The following PIWIL4 variants were observed in gnomAD, a reference collection of about 807,000 sequenced individuals.
PIWIL4 encodes the protein piwi-like protein 4.
PIWIL4 carries 50 observed loss-of-function variants against 100.9 expected under a neutral mutation model. The observed-to-expected ratio is 0.50, with a 90% CI of 0.39 to 0.63. The LOEUF (loss-of-function observed/expected upper bound fraction) is 0.63, where lower values mean the gene tolerates loss of function less well. Among genes scored for constraint, PIWIL4 ranks in the 20% least tolerant of loss-of-function variants. The probability of loss-of-function intolerance (pLI) is 0.00; values close to 1 mark genes in which losing one functional copy is unlikely to be tolerated. For synonymous variants in PIWIL4, 342 were observed against 367.5 expected (o/e 0.93, Z 0.79); for missense variants, 887 against 1,043.3 (o/e 0.85, Z 2.06).
intron 5 of PIWIL4, among the ~76,000 whole-genome samples, chr11:94,584,260 A>G (rs765714927): frequency 6.6e-6 from 1 of 152,164 alleles, no homozygotes; most frequent in Non-Finnish European, 1.5e-5. Context: ...GATCATTAAG[A>G]TGATCTGTTA....
chr11:94,591,306 C>G (rs1304718134), intron 8 of PIWIL4, among the ~76,000 whole-genome samples: 1 of 152,218 alleles, frequency 6.6e-6, no homozygotes, highest in Non-Finnish European at 1.5e-5. Flanking sequence ...CCACGCTGTA[C>G]CTTTCTCCTT....
chr11:94,603,277 C>G (rs541136409), intron 12 of PIWIL4, among the ~76,000 whole-genome samples: 1 of 151,922 alleles, frequency 6.6e-6, no homozygotes, highest in Non-Finnish European at 1.5e-5. Flanking sequence ...ACCTGCTGGG[C>G]GAGTTTTAAA....
intron 10 of PIWIL4, among the ~76,000 whole-genome samples, chr11:94,595,935 A>G (rs1383710007): frequency 6.6e-6 from 1 of 152,124 alleles, no homozygotes; most frequent in Admixed American, 6.5e-5. Context: ...GTTCTTATTT[A>G]TGACAGTTTG....
chr11:94,598,646 A>G (rs1948591723), intron 11 of PIWIL4, among the ~76,000 whole-genome samples: 1 of 151,770 alleles, frequency 6.6e-6, no homozygotes, highest in African/African-American at 2.4e-5. Context: ...AGTATGTCTA[A>G]CTGATATAAT....
chr11:94,593,844 T>C (rs923435650), intron 9 of PIWIL4, among the ~76,000 whole-genome samples: 1 of 152,182 alleles, frequency 6.6e-6, no homozygotes, highest in African/African-American at 2.4e-5. Flanking sequence ...ATGTATTACT[T>C]TGATGTAAAA....
intron 13 of PIWIL4, among the ~76,000 whole-genome samples, chr11:94,606,198 G>A (rs1000327582): frequency 7.2e-5 from 11 of 152,068 alleles, no homozygotes; most frequent in Admixed American, 3.3e-4. Context: ...AGTCTCACTC[G>A]GCTCCCATCT....
intron 4 of PIWIL4, among the ~76,000 whole-genome samples, chr11:94,578,975 A>G (rs899291628): frequency 1.3e-5 from 2 of 152,186 alleles, no homozygotes; most frequent in African/African-American, 4.8e-5. Flanking sequence ...TTCACTAGTA[A>G]TTGATTTCTT....
Position 94,620,138 on chromosome 11 carries a change from C to G in PIWIL4, c.2436C>G (p.Asn812Lys), listed in dbSNP as rs1330473739. ...LTFKLCHLYY[N>K]WPGIVSVPAP... ...TCAAATTGTGCCACCTGTACTACAA[C>G]TGGCCGGTGAGTGAAAGCTGTTTAC... Residue 812 changes from asparagine (N) to lysine (K), a missense_variant, in exon 19 of 20, where the codon AAC becomes AAG. This residue lies in a region of PIWIL4 where 741 missense variants were observed against 930.0 expected (regional missense o/e 0.80). Coordinates refer to ENST00000299001, the MANE Select transcript of PIWIL4 (RefSeq NM_152431.3). 6.3e-7 allele frequency: 1 copy of G among 1,589,712 alleles called. No homozygotes were observed.
At chr11:94,606,706 C>T (rs558879640) in intron 13 of PIWIL4, among the ~76,000 whole-genome samples, 30 of 152,066 alleles carry the variant, frequency 2.0e-4, no homozygotes, top group Non-Finnish European at 3.8e-4. Context: ...TGGTGGCAGG[C>T]GCCTGTAATC....
At chr11:94,584,863 G>T (rs138464407) in intron 5 of PIWIL4, among the ~76,000 whole-genome samples, 79 of 152,228 alleles carry the variant, frequency 5.2e-4, no homozygotes, top group African/African-American at 1.8e-3. Context: ...TCAGGAGTTC[G>T]AGACCAGCCT....
intron 12 of PIWIL4, 63 bp from the exon 13 acceptor site, chr11:94,603,921 C>A: frequency 2.1e-6 from 2 of 956,586 alleles, no homozygotes; most frequent in Non-Finnish European, 3.3e-6. Flanking sequence ...ATTTCTAATG[C>A]CATATAAGTA....
intron 2 of PIWIL4, among the ~76,000 whole-genome samples, chr11:94,574,540 C>T (rs1313456379): frequency 1.3e-5 from 2 of 152,216 alleles, no homozygotes; most frequent in Non-Finnish European, 2.9e-5. Flanking sequence ...CTCGCCCTGT[C>T]GCCCAGGCTG....
chr11:94,609,353 A>C (rs1364092550), intron 15 of PIWIL4, among the ~76,000 whole-genome samples: 3 of 152,234 alleles, frequency 2.0e-5, no homozygotes, highest in Non-Finnish European at 4.4e-5. Context: ...AATAGTACTC[A>C]TTAAACTATG....
At chr11:94,582,762 T>G (rs561189065) in intron 4 of PIWIL4, among the ~76,000 whole-genome samples, 2 of 152,346 alleles carry the variant, frequency 1.3e-5, no homozygotes, top group Admixed American at 1.3e-4. Context: ...CTCTAGACCT[T>G]TCAGCAATTT....
rs757445602 is a variant in PIWIL4 at position 94,568,711 on chromosome 11, C to CT, written c.88-11dup. ...CTTACCATTGTAAATCTGAACAAAA[C>CT]TTTTTTTTGCCATTTTAGCCTAGAT... On this transcript the variant is annotated intron_variant, in intron 1 of 19. Transcript: ENST00000299001. 2.6e-5 allele frequency: 41 copies of CT among 1,561,684 alleles called. No individual in the cohort carries two copies. The highest frequency in any genetic ancestry group is 1.7e-4 in the Middle Eastern group (1 of 5,996).
At chr11:94,574,237 G>A (rs1046935599) in intron 2 of PIWIL4, among the ~76,000 whole-genome samples, 9 of 152,132 alleles carry the variant, frequency 5.9e-5, no homozygotes, top group African/African-American at 2.2e-4. Context: ...ATTCTTAGGG[G>A]GAATGACCTA....
At chr11:94,598,413 C>T (rs1022924226) in intron 11 of PIWIL4, among the ~76,000 whole-genome samples, 1 of 152,156 alleles carries the variant, frequency 6.6e-6, no homozygotes, top group African/African-American at 2.4e-5. Flanking sequence ...ATGCACAGAA[C>T]CCAGCCCCAG....
At chr11:94,588,110 C>G (rs563528183) in intron 7 of PIWIL4, among the ~76,000 whole-genome samples, 49 of 152,172 alleles carry the variant, frequency 3.2e-4, no homozygotes, top group South Asian at 2.3e-3. Flanking sequence ...TCTCCCTCCC[C>G]CCGACCCTAT....
In PIWIL4 at chr11:94,616,553, TTTCATGACTGGTACTAAAAA is replaced by T; in HGVS notation, c.2006_2014+11del. ...CTGATGTTGCAGATTGCTTGAAAGT[TTTCATGACTGGTACTAAAAA>T]TATAGCAATGTGGGTGGGCTCCAAG... On this transcript the variant is annotated splice_donor_variant and splice_donor_5th_base_variant and coding_sequence_variant and intron_variant, in exon 16 of 20. Coordinates refer to ENST00000299001, the MANE Select transcript of PIWIL4 (RefSeq NM_152431.3). LOFTEE classifies it high-confidence loss of function. 1.9e-6 allele frequency: 3 copies of T among 1,607,356 alleles called. No homozygotes were observed. The highest frequency in any genetic ancestry group is 2.5e-6 in the Non-Finnish European group (3 of 1,176,990).
Sources: gnomAD v4.1 joint callset for allele counts (sites outside exome capture counted in the v4.1 genomes callset) on GRCh38, gnomAD v4.1.1 for gene constraint, gnomAD v4.1.1 regional missense constraint, MANE v1.5 for transcripts, NCBI Gene and HGNC (gene_info 2026-07-23, HGNC 2026-07-21) for gene names.